ACACA: variants seen among roughly 807,000 people sequenced by gnomAD.
ACACA encodes the protein acetyl-CoA carboxylase alpha.
A neutral mutation model predicts 296.1 loss-of-function variants in ACACA; 103 were observed. That is an observed-to-expected ratio of 0.35 (90% confidence interval 0.30 to 0.41). ACACA has a LOEUF of 0.41. Among genes scored for constraint, ACACA ranks in the 10% least tolerant of loss-of-function variants. The probability of loss-of-function intolerance (pLI) is 1.00; values close to 1 mark genes in which losing one functional copy is unlikely to be tolerated. For missense variants in ACACA, 1,554 were observed against 2,989.7 expected (o/e 0.52, Z 11.20); for synonymous variants, 953 against 1,038.6 (o/e 0.92, Z 1.58).
chr17:37,111,322 T>C (rs1305620337), intron 52 of ACACA, among the ~76,000 whole-genome samples: 1 of 151,964 alleles, frequency 6.6e-6, no homozygotes, highest in African/African-American at 2.4e-5. Context: ...GGAAAAAAAA[T>C]CAGGTGACTT....
chr17:37,211,301 G>A (rs889496251), intron 29 of ACACA, among the ~76,000 whole-genome samples: 2 of 152,166 alleles, frequency 1.3e-5, no homozygotes, highest in African/African-American at 2.4e-5. Flanking sequence ...GACTACCACA[G>A]AACTTCCTTA....
At chr17:37,096,973 T>C (rs1473242521) in intron 54 of ACACA, 23 bp downstream of exon 54, 1 of 1,614,038 alleles carries the variant, frequency 6.2e-7, no homozygotes, top group South Asian at 1.1e-5. Flanking sequence ...GCAAAAAGGC[T>C]TCTCTTTGAG....
intron 1 of ACACA, among the ~76,000 whole-genome samples, chr17:37,367,435 A>G (rs932376422): frequency 2.6e-5 from 4 of 152,132 alleles, no homozygotes; most frequent in African/African-American, 7.2e-5. Context: ...TGTGCTCTGT[A>G]TTATAAACAG....
At chr17:37,325,027 CCT>C (rs1389653062) in intron 3 of ACACA, among the ~76,000 whole-genome samples, 4 of 150,932 alleles carry the variant, frequency 2.7e-5, no homozygotes, top group African/African-American at 9.7e-5. Flanking sequence ...ACGGTGAAAC[CCT>C]GTCTCTGCTA....
chr17:37,395,158 A>C (rs1276316208), intron 1 of ACACA, among the ~76,000 whole-genome samples: 2 of 152,026 alleles, frequency 1.3e-5, no homozygotes, highest in African/African-American at 4.8e-5. Context: ...GGCTGGGTGC[A>C]GTGGCTCATG....
At chr17:37,125,926 G>C (rs1473073089) in intron 47 of ACACA, 132 bp from the exon 48 acceptor site, 1 of 757,582 alleles carries the variant, frequency 1.3e-6, no homozygotes, top group Non-Finnish European at 2.3e-6. Context: ...AATTATAATA[G>C]ATGGAAGCAT....
At chr17:37,167,630 T>C (rs752011975) in intron 41 of ACACA, among the ~76,000 whole-genome samples, 1 of 151,466 alleles carries the variant, frequency 6.6e-6, no homozygotes, top group Non-Finnish European at 1.5e-5. Flanking sequence ...AGAAATGGCA[T>C]TTTCTTTACT....
chr17:37,389,124 A>G, intron 1 of ACACA: 1 of 1,297,890 alleles, frequency 7.7e-7, no homozygotes, highest in Non-Finnish European at 1.0e-6. Flanking sequence ...GATAGGTCCA[A>G]TAGGACTGAA....
At chr17:37,109,881 C>T (rs1456357899) in intron 52 of ACACA, among the ~76,000 whole-genome samples, 4 of 152,172 alleles carry the variant, frequency 2.6e-5, no homozygotes, top group Admixed American at 6.5e-5. Context: ...AGTGAACCCC[C>T]AGTTAATGAG....
intron 1 of ACACA, among the ~76,000 whole-genome samples, chr17:37,391,438 G>T (rs1326945116): frequency 6.6e-6 from 1 of 152,098 alleles, no homozygotes; most frequent in Non-Finnish European, 1.5e-5. Flanking sequence ...CTTTGCTAGT[G>T]GGTTATAGGT....
At position 37,318,898 on chromosome 17, in the gene ACACA, T is replaced by C. The variant is rs570179525; in HGVS notation, c.338+11275A>G. ...TTTCCTAGTCAAACACAAACATATA[T>C]AGCTAAAACTAAAAAGCTCTGTCAT... On this transcript the variant is annotated intron_variant, in intron 3 of 55. Coordinates refer to ENST00000616317, the MANE Select transcript of ACACA (RefSeq NM_198834.3). Among the ~76,000 whole-genome samples the C allele has an allele frequency of 1.2e-4, 18 of 152,232 alleles. No homozygotes were observed. The East Asian group carries it at 3.5e-3, about 29-fold the overall frequency.
rs528670433 is a variant in ACACA at position 37,206,000 on chromosome 17, C to A, written c.3949-128G>T. 4.7e-4 allele frequency: 369 copies of A among 788,304 alleles called. No individual in the cohort carries two copies. In the African/African-American group the frequency reaches 5.9e-3, roughly 13 times the overall value. 48.8% of individuals were successfully genotyped at this position (788,304 alleles called of 1,614,324 possible). A position where few individuals can be genotyped will look rare whatever the true frequency, so the allele number is the denominator to read the frequency against. On this transcript the variant is annotated intron_variant, in intron 32 of 55. Transcript: ENST00000616317. ...CCACAGGATATTTTGGTTTGCCCAG[C>A]AGTAGGAATGAGCAAATTGAAACCA...
At chr17:37,229,756 G>T (rs200293923) in intron 25 of ACACA, among the ~76,000 whole-genome samples, 1 of 151,906 alleles carries the variant, frequency 6.6e-6, no homozygotes, top group African/African-American at 2.4e-5. Flanking sequence ...TGTAAGAAAA[G>T]CGAACTATGG....
At chr17:37,221,460 T>A in intron 29 of ACACA, 1 of 406,050 alleles carries the variant, frequency 2.5e-6, no homozygotes, top group South Asian at 2.8e-5. Flanking sequence ...TCTAATTTTT[T>A]AAAAAAGAAA....
At chr17:37,109,956 ACTGCGGCC>A (rs1431217789) in intron 52 of ACACA, among the ~76,000 whole-genome samples, 2 of 152,372 alleles carry the variant, frequency 1.3e-5, no homozygotes, top group East Asian at 1.9e-4. Context: ...GTCAGCATGA[ACTGCGGCC>A]CTGCGGCTTG....
intron 28 of ACACA, 142 bp downstream of exon 28, chr17:37,223,370 T>C: frequency 1.4e-6 from 1 of 728,826 alleles, no homozygotes; most frequent in Non-Finnish European, 2.5e-6. Context: ...AAGCACATAC[T>C]GTTTCAGAGG....
At chr17:37,308,773 A>G (rs2083996491) in intron 3 of ACACA, among the ~76,000 whole-genome samples, 1 of 152,194 alleles carries the variant, frequency 6.6e-6, no homozygotes, top group Admixed American at 6.5e-5. Flanking sequence ...CACTGCCTCT[A>G]CTAAAAATAC....
chr17:37,354,967 C>T (rs371164004), intron 1 of ACACA, among the ~76,000 whole-genome samples: 2 of 152,092 alleles, frequency 1.3e-5, no homozygotes, highest in East Asian at 1.9e-4. Flanking sequence ...AAAATAAAGG[C>T]CAGGCACAGT....
intron 3 of ACACA, among the ~76,000 whole-genome samples, chr17:37,302,674 T>G (rs1330328027): frequency 1.3e-5 from 2 of 152,222 alleles, no homozygotes; most frequent in African/African-American, 4.8e-5. Context: ...TTTATTCCTA[T>G]TTTATTCTTT....
Sources: gnomAD v4.1 joint callset for allele counts (sites outside exome capture counted in the v4.1 genomes callset) on GRCh38, gnomAD v4.1.1 for gene constraint, MANE v1.5 for transcripts, NCBI Gene and HGNC (gene_info 2026-07-23, HGNC 2026-07-21) for gene names.